Variants in COL5A1 observed in about 807,000 individuals in gnomAD.
COL5A1 encodes collagen type V alpha 1 chain.
A neutral mutation model predicts 263.7 loss-of-function variants in COL5A1; 16 were observed. The ratio of observed to expected loss-of-function variants is 0.06; its 90% CI spans 0.04 to 0.09. The LOEUF is 0.09. COL5A1 is among the 10% of genes least tolerant of loss of function. COL5A1 has a pLI of 1.00. For synonymous variants in COL5A1, 1,012 were observed against 1,004.5 expected, an observed-to-expected ratio of 1.01 and a Z score of -0.14; for missense variants, 2,036 against 2,540.5, an observed-to-expected ratio of 0.80 and a Z score of 4.27.
rs534095078 is a variant in COL5A1, at chr9:134,814,677, G to A, written c.3907-120G>A. On this transcript the variant is annotated intron_variant, in intron 49 of 65. Coordinates refer to ENST00000371817, the MANE Select transcript of COL5A1 (RefSeq NM_000093.5). ...CGACCTGGCAGCCAGCCCCCTGCAG[G>A]GCTCAGCAGATACTTGGAAAGGCTG... The A allele has an allele frequency of 3.9e-5, 31 of 796,124 alleles. No individual in the cohort carries two copies. The Admixed American group carries it at 5.6e-4, about 14-fold the overall frequency. The allele number at this position is 796,124 out of a possible 1,614,324, so 49.3% of individuals were successfully genotyped here. A position where few individuals can be genotyped will look rare whatever the true frequency, so the allele number is the denominator to read the frequency against.
At chr9:134,685,929 CCCATCCATCCACCATCCAT>C (rs985409164) in intron 1 of COL5A1, among the ~76,000 whole-genome samples, 1 of 140,728 alleles carries the variant, frequency 7.1e-6, no homozygotes, top group Non-Finnish European at 1.6e-5. Flanking sequence ...CATCCATCCA[CCCATCCATCCACCATCCAT>C]CCATCCATCC....
At chr9:134,744,875 TCA>T (rs974311465) in intron 11 of COL5A1, among the ~76,000 whole-genome samples, 35 of 148,792 alleles carry the variant, frequency 2.4e-4, no homozygotes, top group Non-Finnish European at 1.6e-4. Context: ...ACACATGCAC[TCA>T]CACACCTGCA....
At chr9:134,834,044 C>T (rs924966217) in intron 64 of COL5A1, among the ~76,000 whole-genome samples, 23 of 152,154 alleles carry the variant, frequency 1.5e-4, no homozygotes, top group East Asian at 3.9e-4. Context: ...TGTCCCAGGC[C>T]GAGGGAGGAG....
chr9:134,731,967 T>C, intron 8 of COL5A1, 104 bp from the exon 9 acceptor site: 2 of 1,322,562 alleles, frequency 1.5e-6, no homozygotes, highest in Non-Finnish European at 1.1e-6. Flanking sequence ...CCAGCTACGA[T>C]AGTGCCCTCG....
intron 42 of COL5A1, among the ~76,000 whole-genome samples, chr9:134,808,476 C>T (rs1057452738): frequency 6.6e-6 from 1 of 152,120 alleles, no homozygotes; most frequent in Non-Finnish European, 1.5e-5. Flanking sequence ...TGTGTGTGTA[C>T]CTGTGCGTGC....
chr9:134,807,873 C>T (rs1039555290), intron 42 of COL5A1, among the ~76,000 whole-genome samples: 1 of 152,186 alleles, frequency 6.6e-6, no homozygotes, highest in Non-Finnish European at 1.5e-5. Flanking sequence ...GCTTGGTTCA[C>T]AGTTTCAAGA....
intron 26 of COL5A1, 33 bp from the exon 27 acceptor site, chr9:134,774,826 T>A (rs770620599): frequency 1.2e-6 from 2 of 1,610,288 alleles, no homozygotes; most frequent in Non-Finnish European, 8.5e-7. Context: ...CACACTGGCA[T>A]GGGGCTAACG....
Position 134,843,155 on chromosome 9 carries a change from C to CT in COL5A1, c.*865dup, listed in dbSNP as rs57599653. 6,232 of 108,496 alleles carry CT rather than the reference C, an allele frequency of 0.057. 399 individuals carry two copies. The highest frequency in any genetic ancestry group is 0.17 in the African/African-American group (5,664 of 32,672). 6.7% of individuals were successfully genotyped at this position (108,496 alleles called of 1,614,324 possible). A position where few individuals can be genotyped will look rare whatever the true frequency, so the allele number is the denominator to read the frequency against. On this transcript the variant is annotated 3_prime_UTR_variant, in exon 66 of 66. Transcript: ENST00000371817. The stretch of plus-strand genomic sequence containing the variant: ...CAGACAGTTTTTGATTCGCTCTAGA[C>CT]TTTTTTTTTTTTTAATAGGGAAAAA...
At chr9:134,801,519 T>C (rs1838112858) in intron 37 of COL5A1, among the ~76,000 whole-genome samples, 1 of 152,258 alleles carries the variant, frequency 6.6e-6, no homozygotes, top group Non-Finnish European at 1.5e-5. Context: ...AAACGCACGG[T>C]GGCTCACGCC....
At chr9:134,756,012 G>A (rs1205502634) in intron 16 of COL5A1, among the ~76,000 whole-genome samples, 2 of 151,964 alleles carry the variant, frequency 1.3e-5, no homozygotes, top group African/African-American at 4.8e-5. Flanking sequence ...GCAGCCCTCT[G>A]TTCTCGCTGG....
chr9:134,750,431 T>A (rs1835733082), intron 11 of COL5A1, 111 bp from the exon 12 acceptor site: 1 of 933,538 alleles, frequency 1.1e-6, no homozygotes, highest in Non-Finnish European at 1.7e-6. Context: ...CTTCTGTGCG[T>A]GTCCAGTGCA....
Position 134,831,703 on chromosome 9 carries a change from C to T in COL5A1, c.5136+1659C>T, listed in dbSNP as rs1208271786. Reference sequence around the variant, plus strand: ...GACAGCTCTCAGCCTCCAAAAAGAGCCTCTCACAGCATCCTCCAAAATGGG... The same window carrying T: ...GACAGCTCTCAGCCTCCAAAAAGAGTCTCTCACAGCATCCTCCAAAATGGG... On this transcript the variant is annotated intron_variant, in intron 64 of 65. Transcript: ENST00000371817. Among the ~76,000 whole-genome samples, 5 of 152,198 alleles carry T rather than the reference C, an allele frequency of 3.3e-5. 1 individual carries two copies. The highest frequency in any genetic ancestry group is 1.2e-4 in the African/African-American group (5 of 41,446).
intron 4 of COL5A1, among the ~76,000 whole-genome samples, chr9:134,717,633 A>T (rs1226445705): frequency 6.6e-6 from 1 of 151,980 alleles, no homozygotes; most frequent in Non-Finnish European, 1.5e-5. Flanking sequence ...AGGACAGGGG[A>T]GGTTTGTGGC....
chr9:134,756,179 C>T (rs1185092994), intron 16 of COL5A1, among the ~76,000 whole-genome samples: 1 of 152,180 alleles, frequency 6.6e-6, no homozygotes, highest in Non-Finnish European at 1.5e-5. Context: ...GGCACCTTGT[C>T]CTTGACTGTG....
chr9:134,763,302 G>A (rs1276418919), intron 19 of COL5A1, among the ~76,000 whole-genome samples: 1 of 152,262 alleles, frequency 6.6e-6, no homozygotes, highest in Non-Finnish European at 1.5e-5. Context: ...TAGGACCCCG[G>A]CAGGGACACC....
chr9:134,755,906 G>A lies in COL5A1; in HGVS notation c.1828-859G>A, dbSNP rs1274861551. 6.6e-6 allele frequency among the ~76,000 whole-genome samples: 1 copy of A among 152,138 alleles called. No individual in the cohort carries two copies. Among genetic ancestry groups the A allele is most frequent in the Non-Finnish European group, 1.5e-5 (1 of 68,026 alleles). On this transcript the variant is annotated intron_variant, in intron 16 of 65. Coordinates refer to ENST00000371817, the MANE Select transcript of COL5A1 (RefSeq NM_000093.5). The surrounding 1 kb of genome is among the most constrained non-coding windows in gnomAD (Gnocchi z 4.1). ...CTCTCTGCTTGGTGGTGGGTTGGGG[G>A]CAAGGGCCTCATATGAGGAGGAGCC...
chr9:134,759,519 A>T (rs1464133945), intron 18 of COL5A1, among the ~76,000 whole-genome samples: 1 of 115,024 alleles, frequency 8.7e-6, no homozygotes. Context: ...ACACACATAC[A>T]CACACCACAT....
chr9:134,681,180 G>T lies in COL5A1; in HGVS notation c.110-9732G>T, dbSNP rs1353696873. Reference sequence around the variant, plus strand: ...TTGCAGGGAGGGCTGGGGTGGGGGGGCCTCAGCCCTGGGCCAGACCCTCCC... The same window carrying T: ...TTGCAGGGAGGGCTGGGGTGGGGGGTCCTCAGCCCTGGGCCAGACCCTCCC... On this transcript the variant is annotated intron_variant, in intron 1 of 65. Coordinates refer to ENST00000371817, the MANE Select transcript of COL5A1 (RefSeq NM_000093.5). The surrounding 1 kb of genome is among the most constrained non-coding windows in gnomAD (Gnocchi z 4.3). Among the ~76,000 whole-genome samples the T allele has an allele frequency of 1.3e-5, 2 of 152,302 alleles. No individual in the cohort carries two copies. Among genetic ancestry groups the T allele is most frequent in the Admixed American group, 6.5e-5 (1 of 15,304 alleles).
chr9:134,732,347 G>A, intron 9 of COL5A1: 2 of 643,786 alleles, frequency 3.1e-6, no homozygotes, highest in South Asian at 1.8e-5. Context: ...GATGGAGGGG[G>A]CGGGATAGGT....
Sources: allele counts gnomAD v4.1 joint callset (sites outside exome capture counted in the v4.1 genomes callset), GRCh38; gene constraint gnomAD v4.1.1; non-coding constraint Gnocchi (gnomAD v3.1); transcripts MANE v1.5; gene names NCBI Gene and HGNC (gene_info 2026-07-23, HGNC 2026-07-21).